Variants in APOL3 observed in about 807,000 individuals in gnomAD.
APOL3 encodes the protein TNF-inducible protein CG12-1.
APOL3 carries 14 observed loss-of-function variants against 11.6 expected under a neutral mutation model. That is an observed-to-expected ratio of 1.21 (90% CI 0.80 to 1.89). The LOEUF is 1.89. Ranked by LOEUF, APOL3 falls within the 40% of genes most tolerant of loss-of-function variation. The pLI is 0.00. For synonymous variants in APOL3, 192 were observed against 190.6 expected (o/e 1.01, Z -0.06); for missense variants, 483 against 492.1 (o/e 0.98, Z 0.17).
intron 1 of APOL3, chr22:36,154,497 G>A (rs566643384): frequency 4.1e-5 from 17 of 416,332 alleles, no homozygotes; most frequent in East Asian, 2.2e-4. Flanking sequence ...AACAAGAAGA[G>A]CATCTTAATA....
chr22:36,145,045 A>AG (rs1325836646), intron 2 of APOL3, among the ~76,000 whole-genome samples: 9 of 151,730 alleles, frequency 5.9e-5, no homozygotes, highest in African/African-American at 2.2e-4. Context: ...AGAAAAAAAA[A>AG]GAAAAACACT....
intron 1 of APOL3, among the ~76,000 whole-genome samples, chr22:36,151,718 G>A (rs937850320): frequency 2.0e-5 from 3 of 152,176 alleles, no homozygotes; most frequent in African/African-American, 7.2e-5. Context: ...CTTTGGGAGG[G>A]TAAGCAGGAG....
intron 1 of APOL3, among the ~76,000 whole-genome samples, chr22:36,158,581 TGGC>T (rs1328439705): frequency 1.3e-5 from 2 of 152,156 alleles, no homozygotes; most frequent in African/African-American, 4.8e-5. Context: ...GCACTTTGGG[TGGC>T]GGAGGTGGGT....
At chr22:36,151,615 A>G (rs2011676307) in intron 1 of APOL3, among the ~76,000 whole-genome samples, 1 of 152,244 alleles carries the variant, frequency 6.6e-6, no homozygotes, top group Non-Finnish European at 1.5e-5. Context: ...ACAAAAACAG[A>G]GCTAGATATA....
chr22:36,141,410 C>T (rs2059981073), exon 3 of APOL3: 1 of 1,614,182 alleles, frequency 6.2e-7, no homozygotes, highest in Non-Finnish European at 8.5e-7. Context: ...CTCCTCTGCT[C>T]ACTGCCCGGG....
chr22:36,142,126 T>A (rs1416677313), intron 2 of APOL3, 68 bp from the exon 4 acceptor site: 2 of 1,499,056 alleles, frequency 1.3e-6, no homozygotes, highest in African/African-American at 2.8e-5. Context: ...CTCAATAAGA[T>A]CTGTTCTACA....
chr22:36,162,120 C>T (rs2013737626), upstream of APOL3, among the ~76,000 whole-genome samples: 1 of 152,154 alleles, frequency 6.6e-6, no homozygotes, highest in East Asian at 1.9e-4. Context: ...TCCCTTTGGC[C>T]TTTTCAGCTC....
intron 1 of APOL3, among the ~76,000 whole-genome samples, chr22:36,158,117 TA>T (rs2013200230): frequency 6.6e-6 from 1 of 152,036 alleles, no homozygotes; most frequent in Non-Finnish European, 1.5e-5. Flanking sequence ...AAATAGAAAT[TA>T]ACGTTAACCA....
exon 3 of APOL3, chr22:36,140,909 C>G: frequency 2.7e-6 from 1 of 369,364 alleles, no homozygotes; most frequent in Non-Finnish European, 4.9e-6. Flanking sequence ...CCCTCTATTC[C>G]TCCCCCCAAT....
At chr22:36,141,903 T>C (rs778151551) in exon 3 of APOL3, 10 of 1,614,214 alleles carry the variant, frequency 6.2e-6, no homozygotes, top group Non-Finnish European at 7.6e-6. Flanking sequence ...GGCACGAAGC[T>C]TTTCTATGGA....
intron 2 of APOL3, among the ~76,000 whole-genome samples, chr22:36,143,381 C>G (rs2060073859): frequency 6.6e-6 from 1 of 152,198 alleles, no homozygotes; most frequent in South Asian, 2.1e-4. Flanking sequence ...CGTGCAATAA[C>G]AGTTATCAGT....
At chr22:36,145,400 G>C (rs9610409) in intron 2 of APOL3, 73 bp downstream of exon 3, 28,882 of 1,554,190 alleles carry the variant, frequency 0.019, 1,201 homozygotes, top group African/African-American at 0.16. Context: ...GTGCCTGCCA[G>C]AGAAAACTAG....
intron 1 of APOL3, 87 bp from the exon 2 acceptor site, chr22:36,149,229 C>A: frequency 1.5e-6 from 2 of 1,307,836 alleles, no homozygotes; most frequent in Middle Eastern, 2.1e-4. Context: ...TCTGCAATCC[C>A]TTTGCGTGTC....
intron 2 of APOL3, among the ~76,000 whole-genome samples, chr22:36,144,317 C>T (rs186582390): frequency 2.0e-5 from 3 of 152,160 alleles, no homozygotes; most frequent in Non-Finnish European, 4.4e-5. Flanking sequence ...CCCATCCTGA[C>T]CCCTGGCTCT....
intron 2 of APOL3, 134 bp from the exon 4 acceptor site, chr22:36,142,192 T>A (rs2060022851): frequency 9.4e-7 from 1 of 1,059,860 alleles, no homozygotes. Flanking sequence ...AAATTTTAAA[T>A]GGAAAAATTT....
intron 1 of APOL3, among the ~76,000 whole-genome samples, chr22:36,148,547 G>A (rs1351041610): frequency 2.6e-5 from 4 of 152,220 alleles, no homozygotes; most frequent in Non-Finnish European, 5.9e-5. Context: ...TCAGTGGGAC[G>A]CTGAGTCACT....
rs568547378 is a variant in APOL3, at chr22:36,142,847, C to T, written c.351-789G>A. ...AGGCGCTGACCTTCCATGCCCATCC[C>T]GTGCTTGCTGGGCCTGTACTGCCCC... On this transcript the variant is annotated intron_variant, in intron 2 of 2. Coordinates refer to ENST00000349314, the Ensembl canonical transcript of APOL3. 7.9e-5 allele frequency among the ~76,000 whole-genome samples: 12 copies of T among 152,296 alleles called. No individual in the cohort carries two copies. The South Asian group carries it at 1.0e-3, about 13-fold the overall frequency.
chr22:36,142,267 T>C lies in APOL3; in HGVS notation c.351-209A>G, dbSNP rs187002595. 2.6e-5 allele frequency among the ~76,000 whole-genome samples: 4 copies of C among 152,306 alleles called. No individual in the cohort carries two copies. In the East Asian group the frequency reaches 7.7e-4, roughly 29 times the overall value. ...TAGATATGCCACAGTACTTATTCTG[T>C]ATGGGAATAAAAAACTTAAAGTCAT... On this transcript the variant is annotated intron_variant, in intron 2 of 2. Coordinates refer to ENST00000349314, the Ensembl canonical transcript of APOL3.
Position 36,141,973 on chromosome 22 carries a change from C to A in APOL3, c.436G>T (p.Glu146Ter), listed in dbSNP as rs769790523. The A allele has an allele frequency of 4.3e-6, 7 of 1,614,196 alleles. No individual in the cohort carries two copies. In the South Asian group the frequency reaches 7.7e-5, roughly 18 times the overall value. The change falls in exon 3 of 3, where the codon GAG becomes TAG. Residue 146 changes from glutamate to a stop codon, truncating the protein, a stop_gained. Coordinates refer to ENST00000349314, the Ensembl canonical transcript of APOL3. LOFTEE classifies it low-confidence loss of function (END_TRUNC). ...TTCAAAAACCATTCCCTAAACTGCT[C>A]ATCTTTCTGCTGCACATATTCGTCC...
Sources: gnomAD v4.1 joint callset for allele counts (sites outside exome capture counted in the v4.1 genomes callset) on GRCh38, gnomAD v4.1.1 for gene constraint, MANE v1.5 for transcripts, NCBI Gene and HGNC (gene_info 2026-07-23, HGNC 2026-07-21) for gene names.